The following DOK6 variants were observed in gnomAD, a reference collection of about 807,000 sequenced individuals.
DOK6 encodes the protein downstream of tyrosine kinase 6.
A neutral mutation model predicts 44.0 loss-of-function variants in DOK6; 22 were observed. The ratio of observed to expected loss-of-function variants is 0.50; its 90% CI spans 0.36 to 0.71. The LOEUF is 0.71. DOK6 is among the 30% of genes least tolerant of loss of function. DOK6 has a pLI of 0.00. For synonymous variants in DOK6, 166 were observed against 145.5 expected, an observed-to-expected ratio of 1.14 and a Z score of -1.01; for missense variants, 340 against 416.4, an observed-to-expected ratio of 0.82 and a Z score of 1.60.
chr18:69,673,819 T>G (rs570025009), intron 3 of DOK6, among the ~76,000 whole-genome samples: 1 of 152,286 alleles, frequency 6.6e-6, no homozygotes, highest in African/African-American at 2.4e-5. Flanking sequence ...GGCATCTTCA[T>G]GAAAAAGCAC....
intron 3 of DOK6, among the ~76,000 whole-genome samples, chr18:69,611,837 A>G (rs1028483708): frequency 6.6e-6 from 1 of 152,146 alleles, no homozygotes; most frequent in Non-Finnish European, 1.5e-5. Flanking sequence ...AACCTTGGGG[A>G]CAGGAGGGCT....
At chr18:69,737,854 G>A (rs982606763) in intron 5 of DOK6, among the ~76,000 whole-genome samples, 2 of 152,116 alleles carry the variant, frequency 1.3e-5, no homozygotes, top group African/African-American at 2.4e-5. Context: ...ATTTCCAAAG[G>A]CTAATAAGTA....
At chr18:69,554,941 G>C (rs556719298) in intron 1 of DOK6, among the ~76,000 whole-genome samples, 1 of 151,940 alleles carries the variant, frequency 6.6e-6, no homozygotes, top group Non-Finnish European at 1.5e-5. Context: ...TTTTATAAGC[G>C]CCTGCTCAAG....
chr18:69,574,231 T>C (rs1164637900), intron 2 of DOK6, among the ~76,000 whole-genome samples: 1 of 152,076 alleles, frequency 6.6e-6, no homozygotes, highest in Non-Finnish European at 1.5e-5. Context: ...CTAGGGATCG[T>C]AATTGTCCTA....
chr18:69,643,095 A>G (rs1234591333), intron 3 of DOK6, among the ~76,000 whole-genome samples: 1 of 152,176 alleles, frequency 6.6e-6, no homozygotes, highest in Admixed American at 6.5e-5. Flanking sequence ...TATTCACTGT[A>G]ATAAACCATT....
chr18:69,557,496 A>G (rs1191897206), intron 1 of DOK6, among the ~76,000 whole-genome samples: 2 of 152,180 alleles, frequency 1.3e-5, no homozygotes, highest in African/African-American at 4.8e-5. Flanking sequence ...ACTAAGGAAA[A>G]GAGATTGCTA....
chr18:69,568,596 A>C lies in DOK6; in HGVS notation c.174+4002A>C, dbSNP rs117483819. ...TGACTAAAACCAGCAGTTCCCAACT[A>C]CCAGGGCATGAACCAGTGCTGGGCT... On this transcript the variant is annotated intron_variant, in intron 2 of 7. Coordinates refer to ENST00000382713, the MANE Select transcript of DOK6 (RefSeq NM_152721.6). Among the ~76,000 whole-genome samples, 251 of 152,284 alleles carry C rather than the reference A, an allele frequency of 1.6e-3. 1 individual carries two copies. Among genetic ancestry groups the C allele is most frequent in the Admixed American group, 4.8e-3 (73 of 15,298 alleles).
chr18:69,729,822 G>A (rs1978346335), intron 5 of DOK6, among the ~76,000 whole-genome samples: 1 of 152,108 alleles, frequency 6.6e-6, no homozygotes, highest in Non-Finnish European at 1.5e-5. Flanking sequence ...AGGTAAAAAA[G>A]ACATCATTCT....
At chr18:69,753,823 A>AT (rs1979264579) in intron 6 of DOK6, among the ~76,000 whole-genome samples, 1 of 96,608 alleles carries the variant, frequency 1.0e-5, no homozygotes, top group African/African-American at 2.7e-5. Flanking sequence ...GCTGTTTGAG[A>AT]CTTTTTTTTT....
chr18:69,606,705 G>A (rs188850560), intron 3 of DOK6, among the ~76,000 whole-genome samples: 18 of 149,930 alleles, frequency 1.2e-4, no homozygotes, highest in African/African-American at 3.9e-4. Context: ...CGAGATCAAC[G>A]TACAAAAATC....
chr18:69,841,776 TC>T lies in DOK6; in HGVS notation c.*395del. On this transcript the variant is annotated 3_prime_UTR_variant, in exon 8 of 8. Coordinates refer to ENST00000382713, the MANE Select transcript of DOK6 (RefSeq NM_152721.6). Reference sequence around the variant, plus strand: ...TCCGCCCATCTGAGCACAGGGTCTGTCCTTAGACATAATGGTGACCCTCCAC... The same window carrying T: ...TCCGCCCATCTGAGCACAGGGTCTGTCTTAGACATAATGGTGACCCTCCAC... 1 of 177,102 alleles carries T rather than the reference TC, an allele frequency of 5.6e-6. No individual in the cohort carries two copies. The highest frequency in any genetic ancestry group is 1.4e-4 in the East Asian group (1 of 7,240). 11.0% of individuals were successfully genotyped at this position (177,102 alleles called of 1,614,324 possible).
chr18:69,807,167 G>A (rs1372325926), intron 7 of DOK6, among the ~76,000 whole-genome samples: 1 of 147,868 alleles, frequency 6.8e-6, no homozygotes, highest in Non-Finnish European at 1.5e-5. Context: ...CAAGTCCTCA[G>A]TGTGGAGGTT....
chr18:69,744,991 G>A (rs758137444), intron 6 of DOK6, among the ~76,000 whole-genome samples: 7 of 150,882 alleles, frequency 4.6e-5, no homozygotes, highest in Non-Finnish European at 8.8e-5. Flanking sequence ...GTATCTCTGC[G>A]TAAGGACACG....
chr18:69,697,044 CA>C lies in DOK6; in HGVS notation c.410-1356del, dbSNP rs536862416. 1.8e-3 allele frequency among the ~76,000 whole-genome samples: 272 copies of C among 152,170 alleles called. 1 individual carries two copies. The highest frequency in any genetic ancestry group is 6.3e-3 in the African/African-American group (262 of 41,530). ...CTGAATTATTAGATAAGCTATTGTC[CA>C]AAATATCAAGACACATGAGTATAAA... On this transcript the variant is annotated intron_variant, in intron 4 of 7. Coordinates refer to ENST00000382713, the MANE Select transcript of DOK6 (RefSeq NM_152721.6).
chr18:69,514,481 T>C lies in DOK6; in HGVS notation c.67-50006T>C, dbSNP rs1286681954. ...GTAAAATATTGTTTAAAAGTCAAAC[T>C]AGTTGAATGAATCCTGAGCTGTAAT... is the stretch of plus-strand genomic sequence containing the variant. On this transcript the variant is annotated intron_variant, in intron 1 of 7. Coordinates refer to ENST00000382713, the MANE Select transcript of DOK6 (RefSeq NM_152721.6). 5.3e-5 allele frequency among the ~76,000 whole-genome samples: 8 copies of C among 152,268 alleles called. No individual in the cohort carries two copies. The South Asian group carries it at 1.7e-3, about 32-fold the overall frequency.
At chr18:69,413,595 G>A (rs1002929060) in intron 1 of DOK6, among the ~76,000 whole-genome samples, 2 of 151,862 alleles carry the variant, frequency 1.3e-5, no homozygotes, top group Non-Finnish European at 2.9e-5. Context: ...TAAACTTCAC[G>A]CCTTGTAACT....
intron 6 of DOK6, among the ~76,000 whole-genome samples, chr18:69,751,298 A>G (rs1979170142): frequency 6.6e-6 from 1 of 150,542 alleles, no homozygotes; most frequent in Non-Finnish European, 1.5e-5. Flanking sequence ...GGTTATGTTA[A>G]TTAGATTGAT....
intron 6 of DOK6, among the ~76,000 whole-genome samples, chr18:69,740,463 G>C (rs972465245): frequency 1.3e-5 from 2 of 152,136 alleles, no homozygotes; most frequent in Non-Finnish European, 2.9e-5. Flanking sequence ...CTTGCTATTA[G>C]TTAACCTCTG....
intron 3 of DOK6, among the ~76,000 whole-genome samples, chr18:69,670,038 G>T (rs898109936): frequency 2.6e-5 from 4 of 152,026 alleles, no homozygotes; most frequent in Non-Finnish European, 5.9e-5. Flanking sequence ...GGTCCTCCTC[G>T]GAAGAAAATC....
Sources: gnomAD v4.1 joint callset for allele counts (sites outside exome capture counted in the v4.1 genomes callset) on GRCh38, gnomAD v4.1.1 for gene constraint, MANE v1.5 for transcripts, NCBI Gene and HGNC (gene_info 2026-07-23, HGNC 2026-07-21) for gene names.